The following ATL3 variants were observed in gnomAD, a reference collection of about 807,000 sequenced individuals.
ATL3 encodes the protein atlastin-3.
ATL3 carries 49 observed loss-of-function variants against 69.5 expected under a neutral mutation model. The ratio of observed to expected loss-of-function variants is 0.71; its 90% confidence interval spans 0.56 to 0.89. ATL3 has a LOEUF of 0.89. Ranked by LOEUF, ATL3 falls within the 40% of genes least tolerant of loss-of-function variation. The pLI, the probability that ATL3 is intolerant of heterozygous loss-of-function variation, is 0.00. For missense variants in ATL3, 606 were observed against 645.7 expected (o/e 0.94, Z 0.67); for synonymous variants, 214 against 224.1 (o/e 0.95, Z 0.40).
In ATL3 at chr11:63,629,326, G is replaced by A; in HGVS notation, c.1619C>T (p.Ala540Val). The A allele has an allele frequency of 3.1e-6, 5 of 1,613,700 alleles. No homozygotes were observed. The highest frequency in any genetic ancestry group is 4.2e-6 in the Non-Finnish European group (5 of 1,179,620). ...GATCTTCACGTTAAGATGCTATTGA[G>A]CTTTTTTATCCATGGATGGTCTTCC... Reference protein sequence around the residue: ...VVGRPSMDKKAQ With the variant: ...VVGRPSMDKKVQ The change falls in exon 13 of 13, where the codon GCT (alanine) becomes GTT (valine). Residue 540 changes from alanine (A) to valine (V), a missense_variant. Physicochemically the swap from Ala to Val is moderately conservative, Grantham distance 64 (BLOSUM62 0). Coordinates refer to ENST00000398868, the MANE Select transcript of ATL3 (RefSeq NM_015459.5).
chr11:63,650,172 T>G (rs1315471638), intron 5 of ATL3, among the ~76,000 whole-genome samples: 1 of 152,184 alleles, frequency 6.6e-6, no homozygotes, highest in Non-Finnish European at 1.5e-5. Context: ...TCATTCTAAA[T>G]GAGATAATGT....
Position 63,636,235 on chromosome 11 carries a change from G to GT in ATL3, c.949dup (p.Thr317AsnfsTer10), listed in dbSNP as rs750595422. On this transcript the variant is annotated frameshift_variant, in exon 9 of 13. Coordinates refer to ENST00000398868, the MANE Select transcript of ATL3 (RefSeq NM_015459.5). LOFTEE classifies it high-confidence loss of function. ...AAAATACTCCAGTAGTCCCCGACAG[G>GT]TGACCTTTGAGCCATTGATCTCCTT... is the stretch of plus-strand genomic sequence containing the variant. 7 of 1,613,916 alleles carry GT rather than the reference G, an allele frequency of 4.3e-6. No individual in the cohort carries two copies. Among genetic ancestry groups the GT allele is most frequent in the African/African-American group, 1.3e-5 (1 of 74,892 alleles).
At chr11:63,649,537 T>C (rs1353212082) in intron 5 of ATL3, among the ~76,000 whole-genome samples, 1 of 146,788 alleles carries the variant, frequency 6.8e-6, no homozygotes, top group East Asian at 2.0e-4. Flanking sequence ...TTTATTTTCT[T>C]TTTTTTTTTT....
rs1339242176 is a variant in ATL3 at position 63,625,484 on chromosome 11, T to C, written c.*3835A>G. ...AAATTAAAAAATTAAAACTGTTTTA[T>C]TGCTTTTGCATGGACTTGATTCAAT... On this transcript the variant is annotated 3_prime_UTR_variant, in exon 13 of 13. Transcript: ENST00000398868. The C allele has an allele frequency of 6.6e-6, 1 of 152,234 alleles. No individual in the cohort carries two copies. The highest frequency in any genetic ancestry group is 1.5e-5 in the Non-Finnish European group (1 of 68,038). The allele number at this position is 152,234 out of a possible 1,614,324, so 9.4% of individuals were successfully genotyped here.
intron 3 of ATL3, among the ~76,000 whole-genome samples, chr11:63,656,086 T>C (rs1006611180): frequency 2.0e-5 from 3 of 151,648 alleles, no homozygotes; most frequent in African/African-American, 7.3e-5. Context: ...TAGCCGGGCG[T>C]GGTGGTAGGC....
rs1393855726 is a variant in ATL3, at chr11:63,625,863, T to A, written c.*3456A>T. 1 of 152,012 alleles carries A rather than the reference T, an allele frequency of 6.6e-6. No individual in the cohort carries two copies. The highest frequency in any genetic ancestry group is 1.5e-5 in the Non-Finnish European group (1 of 68,080). 9.4% of individuals were successfully genotyped at this position (152,012 alleles called of 1,614,324 possible). A position where few individuals can be genotyped will look rare whatever the true frequency, so the allele number is the denominator to read the frequency against. ...CGGGTGTGGTGGCACATGCCTGTAA[T>A]CCCTGCTACTTGGGAGGCTGAGGCA... On this transcript the variant is annotated 3_prime_UTR_variant, in exon 13 of 13. Coordinates refer to ENST00000398868, the MANE Select transcript of ATL3 (RefSeq NM_015459.5).
chr11:63,640,594 C>CTT lies in ATL3; in HGVS notation c.850+2761_850+2762dup, dbSNP rs1172516886. Among the ~76,000 whole-genome samples, 174 of 84,332 alleles carry CTT rather than the reference C, an allele frequency of 2.1e-3. 16 individuals are homozygous for CTT. Among genetic ancestry groups the CTT allele is most frequent in the African/African-American group, 7.4e-3 (135 of 18,364 alleles). The allele number at this position is 84,332 out of a possible 152,430, so 55.3% of individuals were successfully genotyped here. The stretch of plus-strand genomic sequence containing the variant: ...TATGATAATAATGCTACCATAGTAT[C>CTT]TTTTTTTTTTTTTTTTTTTTTTTTT... On this transcript the variant is annotated intron_variant, in intron 8 of 12. Transcript: ENST00000398868.
chr11:63,626,610 T>C lies in ATL3; in HGVS notation c.*2709A>G, dbSNP rs1939120618. ...AGAAAATTTTGGAAGCCTCCTTTTA[T>C]ATATTCATAGGAATGAGTTCCATAT... On this transcript the variant is annotated 3_prime_UTR_variant, in exon 13 of 13. Coordinates refer to ENST00000398868, the MANE Select transcript of ATL3 (RefSeq NM_015459.5). The C allele has an allele frequency of 6.6e-6, 1 of 152,206 alleles. No homozygotes were observed. Among genetic ancestry groups the C allele is most frequent in the Non-Finnish European group, 1.5e-5 (1 of 68,032 alleles). The allele number at this position is 152,206 out of a possible 1,614,324, so 9.4% of individuals were successfully genotyped here. A position where few individuals can be genotyped will look rare whatever the true frequency, so the allele number is the denominator to read the frequency against.
chr11:63,651,603 C>T (rs553102880), intron 5 of ATL3, among the ~76,000 whole-genome samples: 9 of 152,248 alleles, frequency 5.9e-5, no homozygotes, highest in East Asian at 1.9e-4. Flanking sequence ...TCCTACCCAC[C>T]GGCCTCCCTG....
rs201256418 is a variant in ATL3 at position 63,659,223 on chromosome 11, G to C, written c.76C>G (p.Pro26Ala). The change falls in exon 2 of 13, where the codon CCA (proline) becomes GCA (alanine). Residue 26 changes from proline (P) to alanine (A), a missense_variant. Pro to Ala is a conservative substitution (Grantham distance 27). Transcript: ENST00000398868. ...DDAMESSKPG[P>A]VQVVLVQKDQ... ...TTCTGAACCAAAACAACCTGCACTG[G>C]ACCAGGCTTGCTGCTCTCCATGGCA... is the stretch of plus-strand genomic sequence containing the variant. 27 of 1,613,956 alleles carry C rather than the reference G, an allele frequency of 1.7e-5. No homozygotes were observed. The highest frequency in any genetic ancestry group is 2.2e-5 in the Non-Finnish European group (26 of 1,180,030).
At chr11:63,652,322 C>A in intron 4 of ATL3, 149 bp downstream of exon 4, 3 of 580,216 alleles carry the variant, frequency 5.2e-6, no homozygotes, top group Admixed American at 4.0e-5. Flanking sequence ...CCTTCTCAAA[C>A]TTTTAAAAGT....
At position 63,629,085 on chromosome 11, in the gene ATL3, A is replaced by G; in HGVS notation, c.*234T>C. On this transcript the variant is annotated 3_prime_UTR_variant, in exon 13 of 13. Coordinates refer to ENST00000398868, the MANE Select transcript of ATL3 (RefSeq NM_015459.5). ...AAAGCAGAGTAATATGAAAATAGAC[A>G]CAGGCTTGCATCTATAACAGCAAGG... 2.0e-6 allele frequency: 1 copy of G among 505,992 alleles called. No homozygotes were observed. Among genetic ancestry groups the G allele is most frequent in the Non-Finnish European group, 3.5e-6 (1 of 283,164 alleles). 31.3% of individuals were successfully genotyped at this position (505,992 alleles called of 1,614,324 possible). A position where few individuals can be genotyped will look rare whatever the true frequency, so the allele number is the denominator to read the frequency against.
chr11:63,655,053 G>A (rs552522493), intron 3 of ATL3, among the ~76,000 whole-genome samples: 1 of 152,040 alleles, frequency 6.6e-6, no homozygotes, highest in African/African-American at 2.4e-5. Context: ...TTCCCTTGTT[G>A]GGTGCTGGTT....
chr11:63,665,838 A>G (rs1231561940), intron 1 of ATL3, among the ~76,000 whole-genome samples: 6 of 151,994 alleles, frequency 3.9e-5, no homozygotes, highest in Non-Finnish European at 8.8e-5. Flanking sequence ...CTGCACTACA[A>G]TCAGGACAAC....
At position 63,631,213 on chromosome 11, in the gene ATL3, T is replaced by C; in HGVS notation, c.1366A>G (p.Ile456Val). Residue 456 changes from isoleucine to valine, a missense_variant, in exon 12 of 13, where the codon ATA becomes GTA. Coordinates refer to ENST00000398868, the MANE Select transcript of ATL3 (RefSeq NM_015459.5). ...VLFTGIVALY[I>V]ASGLTGFIGL... ...ATGAAGCCAGTGAGGCCTGAGGCTA[T>C]GTACAAAGCTACAATGCCCGTGAAC... The C allele has an allele frequency of 6.2e-6, 10 of 1,614,206 alleles. No homozygotes were observed. Among genetic ancestry groups the C allele is most frequent in the Non-Finnish European group, 8.5e-6 (10 of 1,180,028 alleles).
intron 1 of ATL3, among the ~76,000 whole-genome samples, chr11:63,664,933 ACATGT>A (rs1291575291): frequency 6.6e-6 from 1 of 152,220 alleles, no homozygotes; most frequent in Non-Finnish European, 1.5e-5. Flanking sequence ...TGAATGAATG[ACATGT>A]ACCATAATGT....
intron 12 of ATL3, among the ~76,000 whole-genome samples, chr11:63,630,332 C>T (rs2134459659): frequency 6.9e-6 from 1 of 144,630 alleles, no homozygotes; most frequent in South Asian, 2.2e-4. Flanking sequence ...GAGGCTGAGG[C>T]AAGAGAATCA....
chr11:63,630,465 A>C (rs1939274799), intron 12 of ATL3, among the ~76,000 whole-genome samples: 1 of 149,088 alleles, frequency 6.7e-6, no homozygotes, highest in Non-Finnish European at 1.5e-5. Flanking sequence ...AAAGGGGAAC[A>C]CAATCAGTAT....
At chr11:63,646,293 C>T (rs1939878289) in intron 6 of ATL3, among the ~76,000 whole-genome samples, 1 of 152,182 alleles carries the variant, frequency 6.6e-6, no homozygotes, top group African/African-American at 2.4e-5. Flanking sequence ...TAAAATTTTA[C>T]CTACAGACAA....
Sources: gnomAD v4.1 joint callset for allele counts (sites outside exome capture counted in the v4.1 genomes callset) on GRCh38, gnomAD v4.1.1 for gene constraint, MANE v1.5 for transcripts, NCBI Gene and HGNC (gene_info 2026-07-23, HGNC 2026-07-21) for gene names.